PPME1: variants seen among roughly 807,000 people sequenced by gnomAD.
PPME1 encodes testicular secretory protein Li 39.
Under a neutral mutation model 56.9 loss-of-function variants are expected in PPME1, and 17 were observed. The observed-to-expected ratio is 0.30, with a 90% CI of 0.20 to 0.45. The LOEUF is 0.45. Among genes scored for constraint, PPME1 ranks in the 20% least tolerant of loss-of-function variants. The probability of loss-of-function intolerance (pLI) is 1.00; values close to 1 mark genes in which losing one functional copy is unlikely to be tolerated. For missense variants in PPME1, 357 were observed against 483.2 expected (o/e 0.74, Z 2.45); for synonymous variants, 122 against 156.2 (o/e 0.78, Z 1.63).
In PPME1 at chr11:74,253,602, C is replaced by A; in HGVS notation, c.*92C>A. On this transcript the variant is annotated 3_prime_UTR_variant, in exon 14 of 14. Transcript: ENST00000328257. ...TGATGCCACTGTCTCCTCTCCATCC[C>A]GCCCAGCCATGTGACACTGGCTCCC... 7.0e-7 allele frequency: 1 copy of A among 1,419,796 alleles called. No individual in the cohort carries two copies. The highest frequency in any genetic ancestry group is 1.4e-5 in the African/African-American group (1 of 70,884). The allele number at this position is 1,419,796 out of a possible 1,614,324, so 87.9% of individuals were successfully genotyped here. A position where few individuals can be genotyped will look rare whatever the true frequency, so the allele number is the denominator to read the frequency against.
chr11:74,238,120 C>G (rs1224363094), intron 8 of PPME1: 1 of 151,992 alleles, frequency 6.6e-6, no homozygotes, highest in African/African-American at 2.4e-5. Context: ...CCTTGAACCT[C>G]CTAATCCACA....
intron 1 of PPME1, among the ~76,000 whole-genome samples, chr11:74,193,656 T>C (rs779801430): frequency 6.6e-6 from 1 of 152,216 alleles, no homozygotes; most frequent in East Asian, 1.9e-4. Flanking sequence ...TTCTTAACTT[T>C]TGTATTTTCC....
intron 8 of PPME1, chr11:74,237,642 C>T (rs1332683846): frequency 4.6e-5 from 7 of 151,940 alleles, no homozygotes; most frequent in Admixed American, 4.6e-4. Context: ...AATTCATTTG[C>T]ACTATCTCAT....
At chr11:74,249,321 C>G (rs1212408242) in intron 11 of PPME1, 3 of 152,164 alleles carry the variant, frequency 2.0e-5, no homozygotes, top group Admixed American at 2.0e-4. Context: ...TCATAGTACC[C>G]CTTGGGTAAA....
intron 3 of PPME1, among the ~76,000 whole-genome samples, chr11:74,221,511 T>A (rs912304442): frequency 2.0e-5 from 3 of 152,168 alleles, no homozygotes; most frequent in Non-Finnish European, 4.4e-5. Flanking sequence ...TTGGGTCTAG[T>A]TCTGTTTTTA....
chr11:74,171,435 A>G lies in PPME1; in HGVS notation c.14A>G (p.Glu5Gly). The G allele has an allele frequency of 6.2e-7, 1 of 1,612,514 alleles. No individual in the cohort carries two copies. Among genetic ancestry groups the G allele is most frequent in the Non-Finnish European group, 8.5e-7 (1 of 1,179,452 alleles). Residue 5 changes from glutamate to glycine, a missense_variant, in exon 1 of 14, where the codon GAA becomes GGA. Coordinates refer to ENST00000328257, the MANE Select transcript of PPME1 (RefSeq NM_016147.3). ...AGCCTCCCCTCGATGTCGGCCCTCG[A>G]AAAGAGCATGCACCTCGGCCGCCTT... MSAL[E>G]KSMHLGRLPS...
intron 7 of PPME1, among the ~76,000 whole-genome samples, chr11:74,231,434 G>A (rs1391991692): frequency 6.6e-6 from 1 of 152,214 alleles, no homozygotes; most frequent in African/African-American, 2.4e-5. Flanking sequence ...TTAGATTGTA[G>A]CTTTTCTTCT....
chr11:74,186,598 T>C (rs1193714117), intron 1 of PPME1, among the ~76,000 whole-genome samples: 3 of 152,168 alleles, frequency 2.0e-5, no homozygotes, highest in Non-Finnish European at 4.4e-5. Flanking sequence ...TTCCTGTGTT[T>C]ATCTCCATTG....
intron 3 of PPME1, among the ~76,000 whole-genome samples, chr11:74,211,579 A>C (rs373985431): frequency 5.9e-5 from 9 of 152,206 alleles, no homozygotes; most frequent in African/African-American, 2.2e-4. Flanking sequence ...AAACTTAGCC[A>C]AAAGAAGTGA....
intron 3 of PPME1, among the ~76,000 whole-genome samples, chr11:74,207,103 A>T (rs1476532004): frequency 2.0e-5 from 3 of 149,940 alleles, no homozygotes; most frequent in Non-Finnish European, 4.4e-5. Flanking sequence ...AAGAGGAAAG[A>T]TTCAGGGCAG....
intron 1 of PPME1, among the ~76,000 whole-genome samples, chr11:74,173,677 G>A (rs2135586736): frequency 6.6e-6 from 1 of 152,260 alleles, no homozygotes; most frequent in East Asian, 1.9e-4. Context: ...AAGTAGCTGG[G>A]ATTACAGGCA....
intron 3 of PPME1, among the ~76,000 whole-genome samples, chr11:74,215,891 C>G (rs1243734142): frequency 6.6e-6 from 1 of 152,078 alleles, no homozygotes; most frequent in Non-Finnish European, 1.5e-5. Context: ...AAGACAAAAA[C>G]TATAAAAAGA....
At chr11:74,189,837 C>G (rs983244809) in intron 1 of PPME1, among the ~76,000 whole-genome samples, 1 of 152,268 alleles carries the variant, frequency 6.6e-6, no homozygotes, top group Non-Finnish European at 1.5e-5. Flanking sequence ...GTTAGGGCCA[C>G]TTTTAAGATA....
intron 2 of PPME1, among the ~76,000 whole-genome samples, chr11:74,204,080 G>A (rs901710222): frequency 6.6e-6 from 1 of 151,916 alleles, no homozygotes; most frequent in Non-Finnish European, 1.5e-5. Flanking sequence ...GGTTTCATGA[G>A]TCAAGTGAGT....
intron 3 of PPME1, among the ~76,000 whole-genome samples, chr11:74,207,061 A>G (rs1461636158): frequency 1.3e-5 from 2 of 152,212 alleles, no homozygotes; most frequent in Non-Finnish European, 2.9e-5. Flanking sequence ...TCCAGTGTGC[A>G]TATTTCTTTG....
At chr11:74,185,538 C>CA in intron 1 of PPME1, among the ~76,000 whole-genome samples, 1 of 151,138 alleles carries the variant, frequency 6.6e-6, no homozygotes, top group South Asian at 2.1e-4. Flanking sequence ...TTAGCCTTTG[C>CA]AAAACATCAA....
chr11:74,204,444 C>T lies in PPME1; in HGVS notation c.287C>T (p.Thr96Met), dbSNP rs79972734. 10 of 1,607,668 alleles carry T rather than the reference C, an allele frequency of 6.2e-6. No individual in the cohort carries two copies. Among genetic ancestry groups the T allele is most frequent in the Non-Finnish European group, 6.8e-6 (8 of 1,174,832 alleles). ...TCTGCCCTTTCTTGGGCTGTGTTCA[C>T]GGTAAGTAGGTTGTTGATAGTACAA... ...GHSALSWAVFTAAIISRVQCR... is the reference protein window; with the variant it reads ...GHSALSWAVFMAAIISRVQCR... Residue 96 changes from threonine (T) to methionine (M), a missense_variant and splice_region_variant, in exon 3 of 14, where the codon ACG becomes ATG. Physicochemically the swap from Thr to Met is moderately conservative, Grantham distance 81. Coordinates refer to ENST00000328257, the MANE Select transcript of PPME1 (RefSeq NM_016147.3).
At chr11:74,209,377 A>G (rs117848737) in intron 3 of PPME1, among the ~76,000 whole-genome samples, 1,839 of 152,306 alleles carry the variant, frequency 0.012, 21 homozygotes, top group Non-Finnish European at 0.021. Context: ...TGCTGGGTTT[A>G]CAGGCATGAG....
intron 5 of PPME1, among the ~76,000 whole-genome samples, chr11:74,228,266 C>A (rs933139588): frequency 6.6e-6 from 1 of 151,784 alleles, no homozygotes; most frequent in African/African-American, 2.4e-5. Context: ...TGGAATACTA[C>A]CTGTTTTATT....
Sources: allele counts gnomAD v4.1 joint callset (sites outside exome capture counted in the v4.1 genomes callset), GRCh38; gene constraint gnomAD v4.1.1; transcripts MANE v1.5; gene names NCBI Gene and HGNC (gene_info 2026-07-23, HGNC 2026-07-21).